Variants in NCKAP5 observed in about 807,000 individuals in gnomAD.
NCKAP5 encodes NCK associated protein 5.
Under a neutral mutation model 167.0 loss-of-function variants are expected in NCKAP5, and 92 were observed. The observed-to-expected ratio is 0.55, with a 90% CI of 0.47 to 0.66. The LOEUF (loss-of-function observed/expected upper bound fraction) is 0.66. NCKAP5 is among the 30% of genes least tolerant of loss of function. The probability of loss-of-function intolerance (pLI) is 0.00; values close to 1 mark genes in which losing one functional copy is unlikely to be tolerated. For missense variants in NCKAP5, 2,378 were observed against 2,315.0 expected (o/e 1.03, Z -0.56); for synonymous variants, 891 against 877.4 (o/e 1.02, Z -0.27).
In NCKAP5 at chr2:133,161,061, C is replaced by T. The variant is rs115667672; in HGVS notation, c.208-30950G>A. On this transcript the variant is annotated intron_variant, in intron 5 of 19. Coordinates refer to ENST00000409261, the MANE Select transcript of NCKAP5 (RefSeq NM_207363.3). The stretch of plus-strand genomic sequence containing the variant: ...TGAGCTCTGCCTCCTGTCAGGTCAG[C>T]GGCCGCATTAGATTATCATAGGAGT... 8.0e-3 allele frequency among the ~76,000 whole-genome samples: 1,219 copies of T among 152,206 alleles called. 20 individuals carry two copies. Among genetic ancestry groups the T allele is most frequent in the African/African-American group, 0.028 (1,154 of 41,532 alleles).
intron 3 of NCKAP5, among the ~76,000 whole-genome samples, chr2:133,319,995 A>G (rs921069325): frequency 6.6e-6 from 1 of 152,166 alleles, no homozygotes; most frequent in Non-Finnish European, 1.5e-5. Context: ...TCCAGCCTTT[A>G]GGATTATTAT....
At chr2:133,108,012 C>T (rs762699481) in intron 6 of NCKAP5, among the ~76,000 whole-genome samples, 4 of 152,198 alleles carry the variant, frequency 2.6e-5, no homozygotes, top group African/African-American at 4.8e-5. Flanking sequence ...CTAAATCCCT[C>T]ATGCTATTTT....
intron 3 of NCKAP5, among the ~76,000 whole-genome samples, chr2:133,423,207 TACTA>T (rs1490769518): frequency 6.6e-6 from 1 of 152,198 alleles, no homozygotes; most frequent in Non-Finnish European, 1.5e-5. Context: ...TTTTGACAAA[TACTA>T]ACTGACATTG....
At chr2:132,981,902 A>G (rs1488490281) in intron 7 of NCKAP5, among the ~76,000 whole-genome samples, 1 of 152,210 alleles carries the variant, frequency 6.6e-6, no homozygotes, top group African/African-American at 2.4e-5. Context: ...GAGTATGGAA[A>G]CAACAGATTG....
At chr2:132,725,897 C>T (rs1261773917) in intron 18 of NCKAP5, 138 bp from the exon 19 acceptor site, 4 of 915,732 alleles carry the variant, frequency 4.4e-6, no homozygotes, top group African/African-American at 1.7e-5. Context: ...CAGCCCGCCG[C>T]TCACCCGAGA....
chr2:132,768,887 C>T (rs1341139186), intron 16 of NCKAP5, among the ~76,000 whole-genome samples: 3 of 150,782 alleles, frequency 2.0e-5, no homozygotes, highest in Non-Finnish European at 4.4e-5. Flanking sequence ...GATCTGCCTG[C>T]CTCAACCTCC....
At position 133,213,798 on chromosome 2, in the gene NCKAP5, A is replaced by C; in HGVS notation, c.144-19T>G. ...CTTCTCCCTGAAGAAACAAAAACAC[A>C]TGATTAGTTGACCATTCTCAGGGTA... On this transcript the variant is annotated intron_variant, in intron 4 of 19. Coordinates refer to ENST00000409261, the MANE Select transcript of NCKAP5 (RefSeq NM_207363.3). 1 of 1,613,208 alleles carries C rather than the reference A, an allele frequency of 6.2e-7. No individual in the cohort carries two copies. The highest frequency in any genetic ancestry group is 1.7e-4 in the Middle Eastern group (1 of 6,056).
chr2:132,967,190 C>CAT (rs1202559585), intron 7 of NCKAP5, among the ~76,000 whole-genome samples: 1 of 149,310 alleles, frequency 6.7e-6, no homozygotes, highest in Non-Finnish European at 1.5e-5. Flanking sequence ...CACACACACA[C>CAT]ACACACACAC....
At chr2:132,791,117 C>T (rs925765151) in intron 12 of NCKAP5, among the ~76,000 whole-genome samples, 1 of 152,190 alleles carries the variant, frequency 6.6e-6, no homozygotes, top group Non-Finnish European at 1.5e-5. Context: ...TTAATGTCCT[C>T]TTTATAGAGG....
chr2:132,781,493 G>C (rs937315684), intron 14 of NCKAP5, among the ~76,000 whole-genome samples: 5 of 152,152 alleles, frequency 3.3e-5, no homozygotes, highest in African/African-American at 7.2e-5. Context: ...ACTGAAGAGT[G>C]ATTATTAACT....
intron 5 of NCKAP5, among the ~76,000 whole-genome samples, chr2:133,132,117 G>A (rs1005524273): frequency 5.9e-5 from 9 of 151,814 alleles, no homozygotes; most frequent in Admixed American, 2.0e-4. Flanking sequence ...GTGAAACCCC[G>A]TCTCTACTAA....
intron 2 of NCKAP5, among the ~76,000 whole-genome samples, chr2:133,522,700 A>C (rs60316439): frequency 6.6e-6 from 1 of 152,074 alleles, no homozygotes; most frequent in East Asian, 1.9e-4. Flanking sequence ...TACTAGACAC[A>C]TTTACAAGAG....
chr2:132,822,051 A>G (rs986498504), intron 11 of NCKAP5, among the ~76,000 whole-genome samples: 4 of 152,218 alleles, frequency 2.6e-5, no homozygotes, highest in African/African-American at 9.6e-5. Flanking sequence ...CCCTACTAGC[A>G]TCTTGGCTGC....
At chr2:132,761,548 C>T (rs539709577) in intron 16 of NCKAP5, among the ~76,000 whole-genome samples, 4 of 152,284 alleles carry the variant, frequency 2.6e-5, no homozygotes, top group Non-Finnish European at 4.4e-5. Context: ...TAAGAAAATA[C>T]GTATAATTTT....
intron 3 of NCKAP5, among the ~76,000 whole-genome samples, chr2:133,328,193 AT>A (rs1324334447): frequency 6.6e-6 from 1 of 152,034 alleles, no homozygotes; most frequent in East Asian, 1.9e-4. Flanking sequence ...GACTATGGTA[AT>A]TTTTTCGTGT....
intron 3 of NCKAP5, among the ~76,000 whole-genome samples, chr2:133,451,075 G>A (rs1381779688): frequency 2.0e-5 from 3 of 152,080 alleles, no homozygotes; most frequent in African/African-American, 7.2e-5. Context: ...AATCAAGTTA[G>A]GATGAAGTCA....
chr2:132,962,364 G>C (rs1025861138), intron 8 of NCKAP5, among the ~76,000 whole-genome samples: 10 of 152,160 alleles, frequency 6.6e-5, no homozygotes. Context: ...CAGAGGCATG[G>C]GGAGCCTAAG....
rs1691516819 is a variant in NCKAP5, at chr2:132,878,750, G to C, written c.648+98C>G. ...TTTCTTTGGAGGAGAAAATGCTGAT[G>C]TTTTGTGGATACTGGTAGCACACAC... On this transcript the variant is annotated intron_variant, in intron 9 of 19. Coordinates refer to ENST00000409261, the MANE Select transcript of NCKAP5 (RefSeq NM_207363.3). 12 of 889,114 alleles carry C rather than the reference G, an allele frequency of 1.3e-5. No individual in the cohort carries two copies. In the South Asian group the frequency reaches 1.7e-4, roughly 12 times the overall value. The allele number at this position is 889,114 out of a possible 1,614,324, so 55.1% of individuals were successfully genotyped here. A position where few individuals can be genotyped will look rare whatever the true frequency, so the allele number is the denominator to read the frequency against.
intron 8 of NCKAP5, among the ~76,000 whole-genome samples, chr2:132,889,817 C>A (rs1003971211): frequency 1.3e-5 from 2 of 152,154 alleles, no homozygotes; most frequent in Middle Eastern, 3.4e-3. Context: ...GCAGAGAAAA[C>A]CTTGGGTTCA....
Sources: gnomAD v4.1 joint callset for allele counts (sites outside exome capture counted in the v4.1 genomes callset) on GRCh38, gnomAD v4.1.1 for gene constraint, MANE v1.5 for transcripts, NCBI Gene and HGNC (gene_info 2026-07-23, HGNC 2026-07-21) for gene names.